The following FBXO38 variants were observed in gnomAD, a reference collection of about 807,000 sequenced individuals.
FBXO38 encodes the protein F-box only protein 38.
FBXO38 carries 53 observed loss-of-function variants against 131.9 expected under a neutral mutation model. The ratio of observed to expected loss-of-function variants is 0.40; its 90% confidence interval spans 0.32 to 0.51. The LOEUF (loss-of-function observed/expected upper bound fraction) is 0.51. FBXO38 is among the 20% of genes least tolerant of loss of function. The pLI, the probability that FBXO38 is intolerant of heterozygous loss-of-function variation, is 0.53. For missense variants in FBXO38, 1,076 were observed against 1,475.6 expected, an observed-to-expected ratio of 0.73 and a Z score of 4.44; for synonymous variants, 452 against 505.6, an observed-to-expected ratio of 0.89 and a Z score of 1.42.
chr5:148,428,611 C>T (rs1753860865), intron 15 of FBXO38, among the ~76,000 whole-genome samples: 1 of 152,124 alleles, frequency 6.6e-6, no homozygotes, highest in South Asian at 2.1e-4. Flanking sequence ...TTTTTAAGTA[C>T]TCTTTCCTGC....
At chr5:148,438,102 T>C (rs1291178812) in intron 17 of FBXO38, among the ~76,000 whole-genome samples, 1 of 152,252 alleles carries the variant, frequency 6.6e-6, no homozygotes, top group Non-Finnish European at 1.5e-5. Context: ...GAGACTTGGT[T>C]TTCTTAACAG....
At chr5:148,397,183 A>G (rs1758524728) in intron 2 of FBXO38, among the ~76,000 whole-genome samples, 2 of 152,154 alleles carry the variant, frequency 1.3e-5, no homozygotes, top group South Asian at 4.1e-4. Context: ...TCTTCATAAA[A>G]CAAGAAAAAC....
At chr5:148,418,239 T>C (rs551768512) in intron 12 of FBXO38, among the ~76,000 whole-genome samples, 4 of 152,220 alleles carry the variant, frequency 2.6e-5, no homozygotes, top group Non-Finnish European at 4.4e-5. Flanking sequence ...TTTATTCTCT[T>C]GGCATCTCTG....
At chr5:148,428,477 T>C (rs1250392861) in intron 15 of FBXO38, among the ~76,000 whole-genome samples, 1 of 152,244 alleles carries the variant, frequency 6.6e-6, no homozygotes, top group African/African-American at 2.4e-5. Context: ...GGCTGAGAAT[T>C]ATTTTGGTGA....
intron 1 of FBXO38, among the ~76,000 whole-genome samples, chr5:148,387,384 G>A (rs1163532392): frequency 1.3e-5 from 2 of 152,116 alleles, no homozygotes; most frequent in Non-Finnish European, 2.9e-5. Context: ...CTCTACATCC[G>A]ATTGTAGTTC....
intron 1 of FBXO38, among the ~76,000 whole-genome samples, chr5:148,388,065 G>A (rs1758009142): frequency 6.6e-6 from 1 of 152,102 alleles, no homozygotes. Flanking sequence ...GCTGCAGAAT[G>A]GATATTGTGT....
At chr5:148,429,167 A>G (rs984314204) in intron 15 of FBXO38, among the ~76,000 whole-genome samples, 1 of 152,280 alleles carries the variant, frequency 6.6e-6, no homozygotes, top group East Asian at 1.9e-4. Context: ...TCGTATTTGC[A>G]AAGTCAGATA....
intron 13 of FBXO38, among the ~76,000 whole-genome samples, chr5:148,424,743 A>G (rs1391179278): frequency 1.3e-5 from 2 of 152,202 alleles, no homozygotes; most frequent in Admixed American, 6.5e-5. Context: ...TTGTCTTTGA[A>G]TCGAAAATAT....
chr5:148,399,605 T>C (rs1752026653), intron 3 of FBXO38: 1 of 153,498 alleles, frequency 6.5e-6, no homozygotes, highest in Non-Finnish European at 1.5e-5. Flanking sequence ...ATAGTAGGTC[T>C]TGGAGATTCT....
chr5:148,429,395 C>T (rs906162957), intron 15 of FBXO38, among the ~76,000 whole-genome samples: 1 of 151,254 alleles, frequency 6.6e-6, no homozygotes, highest in Non-Finnish European at 1.5e-5. Context: ...GATGTCCATT[C>T]TCGTGCTATG....
chr5:148,427,466 C>G lies in FBXO38; in HGVS notation c.2172C>G (p.Ser724Arg), dbSNP rs1753776170. ...NSSSHNTASQ[S>R]PDFVRTVNSG... ...GCTCACACAACACTGCTTCTCAAAG[C>G]CCCGACTTTGTAAGGACGGTGAACA... The change falls in exon 15 of 22, where the codon AGC becomes AGG. Residue 724 changes from serine (S) to arginine (R), a missense_variant. This residue lies in a region of FBXO38 where 213 missense variants were observed against 225.2 expected (regional missense o/e 0.95). Transcript: ENST00000340253. 1 of 1,614,224 alleles carries G rather than the reference C, an allele frequency of 6.2e-7. No homozygotes were observed. Among genetic ancestry groups the G allele is most frequent in the Non-Finnish European group, 8.5e-7 (1 of 1,180,040 alleles).
rs184833884 is a variant in FBXO38, at chr5:148,389,274, C to T, written c.-64+5235C>T. Among the ~76,000 whole-genome samples the T allele has an allele frequency of 5.8e-4, 89 of 152,270 alleles. 1 individual carries two copies. Among genetic ancestry groups the T allele is most frequent in the Admixed American group, 8.5e-4 (13 of 15,294 alleles). On this transcript the variant is annotated intron_variant, in intron 1 of 21. Coordinates refer to ENST00000340253, the MANE Select transcript of FBXO38 (RefSeq NM_205836.3). ...AGGATATGAAATATTGTGAGAATTA[C>T]CAAAATGTGACACACAGACATGAAG...
chr5:148,438,364 G>C lies in FBXO38; in HGVS notation c.2890G>C (p.Val964Leu), dbSNP rs1347351409. ...TRCRVLKHLK[V>L]ENAPIVNRFD... ...GTGCAGGGTACTAAAACATTTAAAG[G>C]TAGAAAATGCACCAATTGTAAACCG... Residue 964 changes from valine to leucine, a missense_variant, in exon 18 of 22, where the codon GTA (valine) becomes CTA (leucine). By Grantham distance (32) the Val-to-Leu change is conservative. Coordinates refer to ENST00000340253, the MANE Select transcript of FBXO38 (RefSeq NM_205836.3). 6.2e-7 allele frequency: 1 copy of C among 1,613,844 alleles called. No homozygotes were observed. Among genetic ancestry groups the C allele is most frequent in the African/African-American group, 1.3e-5 (1 of 74,994 alleles).
Position 148,427,646 on chromosome 5 carries a change from C to T in FBXO38, c.2352C>T (p.Ser784=). The T allele has an allele frequency of 2.5e-6, 4 of 1,614,160 alleles. No individual in the cohort carries two copies. The highest frequency in any genetic ancestry group is 1.6e-4 in the Middle Eastern group (1 of 6,062). The change falls in exon 15 of 22, where the codon TCC becomes TCT. Residue 784 remains serine (S), a synonymous_variant. Transcript: ENST00000340253. ...PRCCCHRPQE[S]QRRTSRCSDE... ...GCTGCTGTCACAGGCCCCAGGAATC[C>T]CAAAGGAGAACTAGCAGGTGTTCTG...
At chr5:148,409,244 C>G (rs1752614603) in intron 8 of FBXO38, 27 bp downstream of exon 8, 8 of 1,384,500 alleles carry the variant, frequency 5.8e-6, no homozygotes, top group Non-Finnish European at 8.2e-6. Flanking sequence ...TATTGTGTCT[C>G]TCACTTTAGA....
At chr5:148,429,445 CATACTT>C (rs1426075662) in intron 15 of FBXO38, among the ~76,000 whole-genome samples, 2 of 152,052 alleles carry the variant, frequency 1.3e-5, no homozygotes, top group Non-Finnish European at 2.9e-5. Flanking sequence ...AATTCTTTGA[CATACTT>C]AGGTTGATCT....
intron 1 of FBXO38, among the ~76,000 whole-genome samples, chr5:148,388,375 A>G (rs1758027246): frequency 6.6e-6 from 1 of 152,218 alleles, no homozygotes; most frequent in African/African-American, 2.4e-5. Flanking sequence ...TTCTCTAACA[A>G]GATAATCAGC....
At chr5:148,426,935 G>A (rs1753740793) in intron 14 of FBXO38, among the ~76,000 whole-genome samples, 1 of 152,166 alleles carries the variant, frequency 6.6e-6, no homozygotes. Flanking sequence ...GCTGGAGCTG[G>A]AATGTAGAAT....
At chr5:148,404,663 C>G in intron 5 of FBXO38, 22 bp from the exon 6 acceptor site, 3 of 1,505,534 alleles carry the variant, frequency 2.0e-6, no homozygotes, top group Non-Finnish European at 2.7e-6. Context: ...CTTGTTTGTT[C>G]TTTTTTATAT....
Sources: gnomAD v4.1 joint callset for allele counts (sites outside exome capture counted in the v4.1 genomes callset) on GRCh38, gnomAD v4.1.1 for gene constraint, gnomAD v4.1.1 regional missense constraint, MANE v1.5 for transcripts, NCBI Gene and HGNC (gene_info 2026-07-23, HGNC 2026-07-21) for gene names.